RBM6: variants seen among roughly 807,000 people sequenced by gnomAD.
RBM6 encodes the protein RNA-binding protein 6.
Under a neutral mutation model 140.4 loss-of-function variants are expected in RBM6, and 23 were observed. That is an observed-to-expected ratio of 0.16 (90% CI 0.12 to 0.23). The LOEUF is 0.23. RBM6 is among the 10% of genes least tolerant of loss of function. The pLI is 1.00. For missense variants in RBM6, 1,139 were observed against 1,386.7 expected, an observed-to-expected ratio of 0.82 and a Z score of 2.84; for synonymous variants, 439 against 475.6, an observed-to-expected ratio of 0.92 and a Z score of 1.00.
At chr3:49,945,657 C>T (rs1041570565) in intron 1 of RBM6, among the ~76,000 whole-genome samples, 9 of 151,838 alleles carry the variant, frequency 5.9e-5, no homozygotes, top group Non-Finnish European at 7.4e-5. Flanking sequence ...CTGAGGCAGG[C>T]GGATCACAAG....
At chr3:49,948,233 A>G (rs1385926494) in intron 1 of RBM6, among the ~76,000 whole-genome samples, 1 of 152,222 alleles carries the variant, frequency 6.6e-6, no homozygotes. Context: ...TACACTTAAA[A>G]ATGGTTAAAA....
chr3:50,018,464 C>A (rs1258238771), intron 6 of RBM6, among the ~76,000 whole-genome samples: 1 of 151,370 alleles, frequency 6.6e-6, no homozygotes, highest in African/African-American at 2.4e-5. Context: ...CATGTTTTGA[C>A]AGTTACGAAT....
At chr3:50,049,932 C>G (rs1323839151) in intron 7 of RBM6, among the ~76,000 whole-genome samples, 1 of 151,576 alleles carries the variant, frequency 6.6e-6, no homozygotes, top group Non-Finnish European at 1.5e-5. Flanking sequence ...AAGTCATCCT[C>G]TCACCTCAAC....
intron 6 of RBM6, among the ~76,000 whole-genome samples, chr3:50,030,833 G>A (rs1252928628): frequency 1.3e-5 from 2 of 152,116 alleles, no homozygotes; most frequent in Non-Finnish European, 2.9e-5. Flanking sequence ...TGGGAAGGAA[G>A]GGGGATGAAA....
chr3:50,055,469 A>G (rs770560586), intron 8 of RBM6, among the ~76,000 whole-genome samples: 9 of 152,176 alleles, frequency 5.9e-5, no homozygotes, highest in Non-Finnish European at 1.0e-4. Context: ...CTGTTAGTAA[A>G]TGATTTCAGA....
At chr3:50,017,353 C>T (rs575234233) in intron 6 of RBM6, among the ~76,000 whole-genome samples, 5 of 151,988 alleles carry the variant, frequency 3.3e-5, no homozygotes, top group South Asian at 2.1e-4. Context: ...GTCAGGAGAT[C>T]GAGACCATCC....
intron 6 of RBM6, among the ~76,000 whole-genome samples, chr3:50,026,693 C>G (rs190338276): frequency 6.0e-5 from 9 of 150,752 alleles, no homozygotes; most frequent in African/African-American, 1.9e-4. Flanking sequence ...AGGCAGATCA[C>G]CTGAGGTCAA....
At chr3:50,073,383 G>T (rs1480319056) in intron 19 of RBM6, among the ~76,000 whole-genome samples, 1 of 152,180 alleles carries the variant, frequency 6.6e-6, no homozygotes, top group African/African-American at 2.4e-5. Context: ...GAACAAGAGA[G>T]CTTAGGCAAA....
intron 6 of RBM6, among the ~76,000 whole-genome samples, chr3:50,000,615 C>T (rs1305400936): frequency 6.6e-6 from 1 of 152,026 alleles, no homozygotes; most frequent in Non-Finnish European, 1.5e-5. Context: ...GATGGGGTTT[C>T]TCCATGTTGG....
chr3:49,972,829 G>T (rs2084863732), intron 4 of RBM6, among the ~76,000 whole-genome samples: 1 of 152,122 alleles, frequency 6.6e-6, no homozygotes, highest in African/African-American at 2.4e-5. Context: ...GGCGGGGCAT[G>T]GTAGCTCGGC....
chr3:49,959,102 C>T (rs762603875), intron 1 of RBM6, among the ~76,000 whole-genome samples: 34 of 151,558 alleles, frequency 2.2e-4, no homozygotes, highest in Non-Finnish European at 4.9e-4. Context: ...CTGAAGAATT[C>T]CCTTTTAGCA....
chr3:50,000,221 T>C (rs1490977860), intron 6 of RBM6, among the ~76,000 whole-genome samples: 1 of 152,170 alleles, frequency 6.6e-6, no homozygotes, highest in Non-Finnish European at 1.5e-5. Context: ...AATTAATAAA[T>C]AGGTAGAATC....
chr3:50,060,915 C>A lies in RBM6; in HGVS notation c.2229-41C>A, dbSNP rs202220745. The A allele has an allele frequency of 2.0e-6, 3 of 1,521,932 alleles. No homozygotes were observed. The East Asian group carries it at 6.8e-5, about 35-fold the overall frequency. 94.3% of individuals were successfully genotyped at this position (1,521,932 alleles called of 1,614,324 possible). A position where few individuals can be genotyped will look rare whatever the true frequency, so the allele number is the denominator to read the frequency against. ...AGGATTAAGTACTCGTCAAATGCCA[C>A]TTGGTAGCAGCCTTAAGAATTGTTG... is the stretch of plus-strand genomic sequence containing the variant. On this transcript the variant is annotated intron_variant, in intron 11 of 20. Coordinates refer to ENST00000266022, the MANE Select transcript of RBM6 (RefSeq NM_005777.3).
At chr3:50,076,170 T>C (rs190264072) in intron 20 of RBM6, among the ~76,000 whole-genome samples, 1 of 151,992 alleles carries the variant, frequency 6.6e-6, no homozygotes, top group Admixed American at 6.5e-5. Flanking sequence ...AGTTTTGCCA[T>C]GTTGGCCAGG....
intron 1 of RBM6, among the ~76,000 whole-genome samples, chr3:49,949,997 A>G (rs527703989): frequency 1.3e-5 from 2 of 152,258 alleles, no homozygotes; most frequent in East Asian, 1.9e-4. Flanking sequence ...TGCTGAGATT[A>G]CAGGCATGAG....
intron 6 of RBM6, among the ~76,000 whole-genome samples, chr3:50,007,163 G>C (rs968975997): frequency 2.6e-5 from 4 of 151,272 alleles, no homozygotes; most frequent in African/African-American, 9.7e-5. Context: ...ATTATCAGGG[G>C]ACTCCTTCCA....
chr3:50,067,756 A>C (rs952106026), intron 17 of RBM6, among the ~76,000 whole-genome samples: 13 of 152,316 alleles, frequency 8.5e-5, no homozygotes, highest in African/African-American at 2.9e-4. Context: ...AATTTGTTTC[A>C]CACCCCTTCT....
intron 6 of RBM6, among the ~76,000 whole-genome samples, chr3:50,032,334 A>G (rs530889702): frequency 1.3e-5 from 2 of 152,130 alleles, no homozygotes; most frequent in East Asian, 3.9e-4. Context: ...AAATACAAAA[A>G]TTAGCTGGGC....
intron 6 of RBM6, among the ~76,000 whole-genome samples, chr3:50,011,013 C>A (rs1355475765): frequency 2.0e-5 from 3 of 151,782 alleles, no homozygotes; most frequent in Non-Finnish European, 4.4e-5. Context: ...TACCCCAACC[C>A]CCCAAAAAGA....
Sources: allele counts gnomAD v4.1 joint callset (sites outside exome capture counted in the v4.1 genomes callset), GRCh38; gene constraint gnomAD v4.1.1; transcripts MANE v1.5; gene names NCBI Gene and HGNC (gene_info 2026-07-23, HGNC 2026-07-21).